The following RABGAP1L variants were observed in gnomAD, a reference collection of about 807,000 sequenced individuals.
RABGAP1L encodes rab GTPase-activating protein 1-like.
Under a neutral mutation model 137.7 loss-of-function variants are expected in RABGAP1L, and 63 were observed. That is an observed-to-expected ratio of 0.46 (90% CI 0.37 to 0.56). The LOEUF (loss-of-function observed/expected upper bound fraction) is 0.56. RABGAP1L is among the 20% of genes least tolerant of loss of function. RABGAP1L has a pLI of 0.00. For synonymous variants in RABGAP1L, 431 were observed against 433.7 expected (o/e 0.99, Z 0.08); for missense variants, 1,095 against 1,244.0 (o/e 0.88, Z 1.80).
intron 1 of RABGAP1L, among the ~76,000 whole-genome samples, chr1:174,205,664 T>C (rs763257413): frequency 2.6e-5 from 4 of 152,066 alleles, no homozygotes; most frequent in Non-Finnish European, 5.9e-5. Flanking sequence ...TGTTCTCTCT[T>C]TTCTTTATTA....
intron 10 of RABGAP1L, among the ~76,000 whole-genome samples, chr1:174,292,329 C>CTTTTT (rs61636433): frequency 1.6e-3 from 80 of 50,614 alleles, no homozygotes; most frequent in South Asian, 7.0e-3. Context: ...CCTACCTAAT[C>CTTTTT]TTTTTTTTTT....
chr1:174,690,829 CTT>C (rs572724291), intron 15 of RABGAP1L, among the ~76,000 whole-genome samples: 12 of 116,926 alleles, frequency 1.0e-4, no homozygotes, highest in Non-Finnish European at 8.7e-5. Context: ...CAGCATTCAT[CTT>C]TTTTTTTTTT....
chr1:174,753,574 G>T (rs1361179428), intron 18 of RABGAP1L, among the ~76,000 whole-genome samples: 4 of 152,010 alleles, frequency 2.6e-5, no homozygotes, highest in African/African-American at 9.7e-5. Flanking sequence ...AAGCTATTTA[G>T]AAAATAGAAA....
In RABGAP1L at chr1:174,642,137, CAT is replaced by C. The variant is rs558145220; in HGVS notation, c.1824+4650_1824+4651del. On this transcript the variant is annotated intron_variant, in intron 14 of 25. Transcript: ENST00000681986. ...TTAATTTGTGCATATTGCTTTTTCT[CAT>C]TTTTTGTTTGGTGTAAATGCTCTCT... 2.8e-4 allele frequency among the ~76,000 whole-genome samples: 43 copies of C among 152,154 alleles called. 1 individual carries two copies. In the East Asian group the frequency reaches 6.9e-3, roughly 25 times the overall value.
At chr1:174,418,784 A>T (rs1050867311) in intron 13 of RABGAP1L, among the ~76,000 whole-genome samples, 1 of 152,186 alleles carries the variant, frequency 6.6e-6, no homozygotes, top group Non-Finnish European at 1.5e-5. Context: ...CATGCCTATA[A>T]TCCCAGCACT....
intron 11 of RABGAP1L, among the ~76,000 whole-genome samples, chr1:174,311,007 T>A (rs1047035985): frequency 6.6e-6 from 1 of 152,018 alleles, no homozygotes. Context: ...ATTCTTTCAA[T>A]TTTTTTTGTA....
At chr1:174,165,790 C>T (rs781564555) in intron 1 of RABGAP1L, among the ~76,000 whole-genome samples, 6 of 152,118 alleles carry the variant, frequency 3.9e-5, no homozygotes, top group Admixed American at 3.3e-4. Flanking sequence ...TGAGCCACCA[C>T]GCCCGGCCCC....
chr1:174,787,671 T>TG (rs555786335), intron 18 of RABGAP1L, among the ~76,000 whole-genome samples: 60 of 152,134 alleles, frequency 3.9e-4, no homozygotes, highest in Non-Finnish European at 7.2e-4. Context: ...CCAGAGGATA[T>TG]GGATACTTTC....
intron 11 of RABGAP1L, among the ~76,000 whole-genome samples, chr1:174,348,218 C>G (rs982826484): frequency 1.3e-5 from 2 of 150,534 alleles, no homozygotes; most frequent in African/African-American, 4.9e-5. Context: ...TCTTATAACC[C>G]ACTATTTTAA....
At chr1:174,664,734 C>CTTTTTTTTTTTTT (rs71701825) in intron 14 of RABGAP1L, among the ~76,000 whole-genome samples, 6 of 97,574 alleles carry the variant, frequency 6.1e-5, no homozygotes, top group African/African-American at 2.1e-4. Flanking sequence ...TTTCTGCTTT[C>CTTTTTTTTTTTTT]TTTTTTTTTT....
intron 13 of RABGAP1L, among the ~76,000 whole-genome samples, chr1:174,418,921 C>T (rs1650926980): frequency 6.6e-6 from 1 of 151,998 alleles, no homozygotes; most frequent in Admixed American, 6.6e-5. Context: ...ACCTGTAATC[C>T]CAGCTGCTCA....
chr1:174,464,442 A>G (rs2149290162), intron 13 of RABGAP1L, among the ~76,000 whole-genome samples: 1 of 152,272 alleles, frequency 6.6e-6, no homozygotes, highest in Middle Eastern at 3.4e-3. Context: ...AGCATATACT[A>G]TGCTGCCTTC....
intron 13 of RABGAP1L, among the ~76,000 whole-genome samples, chr1:174,440,045 A>G (rs1456480600): frequency 6.6e-6 from 1 of 152,218 alleles, no homozygotes; most frequent in East Asian, 1.9e-4. Flanking sequence ...AATTAAATAA[A>G]AAGAAGTGTG....
intron 13 of RABGAP1L, among the ~76,000 whole-genome samples, chr1:174,428,988 G>T (rs36040282): frequency 0.023 from 3,413 of 146,924 alleles, 52 homozygotes; most frequent in Middle Eastern, 0.049. Flanking sequence ...ATTTTTTTTT[G>T]AGCTTTCTTT....
rs986147014 is a variant in RABGAP1L at position 174,167,118 on chromosome 1, C to A, written c.-34+7461C>A. ...ACAATATAGCACACCCCAAACACCACGATAAGAGTTCAAATATGGCATGGC... is the reference window on the plus strand; with the variant it reads ...ACAATATAGCACACCCCAAACACCAAGATAAGAGTTCAAATATGGCATGGC... On this transcript the variant is annotated intron_variant, in intron 1 of 25. Coordinates refer to ENST00000681986, the MANE Select transcript of RABGAP1L (RefSeq NM_001366446.1). 7.2e-5 allele frequency among the ~76,000 whole-genome samples: 11 copies of A among 152,180 alleles called. No individual in the cohort carries two copies. In the East Asian group the frequency reaches 1.5e-3, roughly 21 times the overall value.
At chr1:174,986,877 C>T (rs899223721) in intron 24 of RABGAP1L, among the ~76,000 whole-genome samples, 1 of 152,142 alleles carries the variant, frequency 6.6e-6, no homozygotes, top group African/African-American at 2.4e-5. Context: ...ATTACTTAGC[C>T]AGCTTGGTAA....
intron 13 of RABGAP1L, among the ~76,000 whole-genome samples, chr1:174,438,760 A>G (rs1425092457): frequency 7.0e-6 from 1 of 142,598 alleles, no homozygotes; most frequent in African/African-American, 2.6e-5. Flanking sequence ...ATATATATAT[A>G]TATATATATA....
intron 13 of RABGAP1L, among the ~76,000 whole-genome samples, chr1:174,496,939 G>A (rs976509478): frequency 1.3e-5 from 2 of 152,144 alleles, no homozygotes; most frequent in Non-Finnish European, 2.9e-5. Context: ...AGAGAAAAAT[G>A]ATATAAAATG....
At chr1:174,379,955 A>G (rs199700502) in intron 12 of RABGAP1L, among the ~76,000 whole-genome samples, 4,969 of 49,642 alleles carry the variant, frequency 0.1, 364 homozygotes, top group East Asian at 0.23. Flanking sequence ...ATTTTGAAAT[A>G]CGTCCCATCA....
Sources: allele counts gnomAD v4.1 joint callset (sites outside exome capture counted in the v4.1 genomes callset), GRCh38; gene constraint gnomAD v4.1.1; transcripts MANE v1.5; gene names NCBI Gene and HGNC (gene_info 2026-07-23, HGNC 2026-07-21).